The following BICD2 variants were observed in gnomAD, a reference collection of about 807,000 sequenced individuals.
The protein encoded by BICD2 is protein bicaudal D homolog 2.
BICD2 carries 25 observed loss-of-function variants against 72.9 expected under a neutral mutation model. The observed-to-expected ratio is 0.34, with a 90% CI of 0.25 to 0.48. The LOEUF (loss-of-function observed/expected upper bound fraction) is 0.48. BICD2 is among the 20% of genes least tolerant of loss of function. The pLI, the probability that BICD2 is intolerant of heterozygous loss-of-function variation, is 0.99. For missense variants in BICD2, 894 were observed against 1,175.2 expected, an observed-to-expected ratio of 0.76 and a Z score of 3.50; for synonymous variants, 501 against 516.1, an observed-to-expected ratio of 0.97 and a Z score of 0.40.
At chr9:92,751,754 C>T (rs1443378967) in intron 1 of BICD2, among the ~76,000 whole-genome samples, 1 of 151,374 alleles carries the variant, frequency 6.6e-6, no homozygotes, top group African/African-American at 2.4e-5. Context: ...AATATACATA[C>T]AGGTGTATTT....
At chr9:92,721,533 A>T (rs1178055700) in intron 3 of BICD2, among the ~76,000 whole-genome samples, 2 of 152,244 alleles carry the variant, frequency 1.3e-5, no homozygotes, top group Non-Finnish European at 2.9e-5. Flanking sequence ...TAATATTTGG[A>T]GAAAAAAATA....
chr9:92,761,765 G>A (rs1367329697), intron 1 of BICD2, among the ~76,000 whole-genome samples: 1 of 152,230 alleles, frequency 6.6e-6, no homozygotes, highest in Non-Finnish European at 1.5e-5. Context: ...CACCATTCCA[G>A]GGAGAGGAAG....
In BICD2 at chr9:92,717,938, A is replaced by G. The variant is rs1234132431; in HGVS notation, c.2117T>C (p.Val706Ala). The change falls in exon 6 of 7, where the codon GTG (valine) becomes GCG (alanine). Residue 706 changes from valine to alanine, a missense_variant. Val to Ala is a moderately conservative substitution (Grantham distance 64). This residue lies in a region of BICD2 where 321 missense variants were observed against 443.9 expected (regional missense o/e 0.72). Transcript: ENST00000356884. ...VLKANKQTAE[V>A]ALANLKSKYE... ...CTTGCTCTTCAGGTTGGCAAGGGCC[A>G]CCTCGGCCGTCTGGGGGACAGATGT... is the stretch of plus-strand genomic sequence containing the variant. The G allele has an allele frequency of 6.2e-7, 1 of 1,613,170 alleles. No homozygotes were observed. Among genetic ancestry groups the G allele is most frequent in the African/African-American group, 1.3e-5 (1 of 74,986 alleles).
intron 1 of BICD2, among the ~76,000 whole-genome samples, chr9:92,752,177 T>A (rs1038079033): frequency 6.6e-6 from 1 of 152,140 alleles, no homozygotes; most frequent in African/African-American, 2.4e-5. Flanking sequence ...GACACCCTAA[T>A]AGCAATGAGC....
Position 92,720,850 on chromosome 9 carries a change from G to A in BICD2, c.607-95C>T. 1 of 1,324,782 alleles carries A rather than the reference G, an allele frequency of 7.5e-7. No homozygotes were observed. Among genetic ancestry groups the A allele is most frequent in the East Asian group, 2.5e-5 (1 of 40,642 alleles). 82.1% of individuals were successfully genotyped at this position (1,324,782 alleles called of 1,614,324 possible). A position where few individuals can be genotyped will look rare whatever the true frequency, so the allele number is the denominator to read the frequency against. On this transcript the variant is annotated intron_variant, in intron 3 of 6. Transcript: ENST00000356884. This position sits in a 1 kb window ranked among gnomAD's most constrained non-coding sequence, Gnocchi z 5.4. ...AAAACACACCAGCACACCAACTCCGGCCACTATGAAGCAAAAGATGAAGCG... is the reference window on the plus strand; with the variant it reads ...AAAACACACCAGCACACCAACTCCGACCACTATGAAGCAAAAGATGAAGCG...
intron 2 of BICD2, among the ~76,000 whole-genome samples, chr9:92,727,393 A>T (rs567872827): frequency 6.6e-6 from 1 of 152,216 alleles, no homozygotes; most frequent in South Asian, 2.1e-4. Flanking sequence ...CCTGTGGGGC[A>T]TCCTCTACAA....
chr9:92,756,462 C>T (rs553590942), intron 1 of BICD2, among the ~76,000 whole-genome samples: 47 of 151,764 alleles, frequency 3.1e-4, no homozygotes, highest in Non-Finnish European at 6.2e-4. Context: ...GGGGTTTCAC[C>T]GTGTTAGCCA....
chr9:92,747,569 G>C (rs1854040619), intron 1 of BICD2, among the ~76,000 whole-genome samples: 1 of 152,160 alleles, frequency 6.6e-6, no homozygotes, highest in Non-Finnish European at 1.5e-5. Flanking sequence ...GCTGTCCCAG[G>C]ACAGCAGAAT....
chr9:92,729,189 T>A lies in BICD2; in HGVS notation c.288A>T (p.Gly96=). Residue 96 remains glycine (G), a synonymous_variant, in exon 2 of 7, where the codon GGA becomes GGT. Coordinates refer to ENST00000356884, the MANE Select transcript of BICD2 (RefSeq NM_001003800.2). ...GGATCAGGCTCTCCTCCCGGCTCTC[T>A]CCGTCAGCAGCCACCTTCTTGTGGT... The part of the protein sequence containing the change: ...HTNHKKVAAD[G]ESREESLIQE... 6.2e-7 allele frequency: 1 copy of A among 1,614,216 alleles called. No homozygotes were observed.
chr9:92,764,810 C>A lies in BICD2; in HGVS notation c.-66G>T. On this transcript the variant is annotated 5_prime_UTR_variant, in exon 1 of 7. Transcript: ENST00000356884. This position sits in a 1 kb window ranked among gnomAD's most constrained non-coding sequence, Gnocchi z 5.5. ...AGGCCGGGCCCTCCTCAGCCGCCGC[C>A]GCTGCCGCCGCCGCCGCCGCCCTGC... 1 of 1,192,852 alleles carries A rather than the reference C, an allele frequency of 8.4e-7. No homozygotes were observed. The highest frequency in any genetic ancestry group is 1.0e-6 in the Non-Finnish European group (1 of 961,868). The allele number at this position is 1,192,852 out of a possible 1,614,324, so 73.9% of individuals were successfully genotyped here. A position where few individuals can be genotyped will look rare whatever the true frequency, so the allele number is the denominator to read the frequency against.
At position 92,718,950 on chromosome 9, in the gene BICD2, G is replaced by C; in HGVS notation, c.1695C>G (p.Gly565=). The change falls in exon 5 of 7, where the codon GGC becomes GGG. Residue 565 remains glycine, a synonymous_variant. Coordinates refer to ENST00000356884, the MANE Select transcript of BICD2 (RefSeq NM_001003800.2). ...TGGTGCGGCCCCCGGGACTGGTGCG[G>C]CCGGCCCCGCCCTGGCCCTCGCGGT... ...DYYREGQGGA[G]RTSPGGRTSP... 1 of 1,609,330 alleles carries C rather than the reference G, an allele frequency of 6.2e-7. No homozygotes were observed. Among genetic ancestry groups the C allele is most frequent in the East Asian group, 2.2e-5 (1 of 44,858 alleles).
chr9:92,725,995 C>T (rs1853560202), intron 2 of BICD2, among the ~76,000 whole-genome samples: 1 of 152,232 alleles, frequency 6.6e-6, no homozygotes, highest in African/African-American at 2.4e-5. Context: ...GGCCAGTCCT[C>T]AGAAGCTTAC....
At chr9:92,721,721 A>G (rs1853468162) in intron 3 of BICD2, among the ~76,000 whole-genome samples, 1 of 152,178 alleles carries the variant, frequency 6.6e-6, no homozygotes, top group Admixed American at 6.5e-5. Flanking sequence ...AGACTCCACT[A>G]AGCGCCAACC....
At position 92,714,876 on chromosome 9, in the gene BICD2, A is replaced by G. The variant is rs1853269743; in HGVS notation, c.*278T>C. The G allele has an allele frequency of 8.1e-7, 1 of 1,232,534 alleles. No homozygotes were observed. Among genetic ancestry groups the G allele is most frequent in the African/African-American group, 1.6e-5 (1 of 64,488 alleles). The allele number at this position is 1,232,534 out of a possible 1,614,324, so 76.3% of individuals were successfully genotyped here. On this transcript the variant is annotated 3_prime_UTR_variant, in exon 7 of 7. Transcript: ENST00000356884. ...AGGGCTTAGAAGATGCTTTCATCACACATCTGCTGCAAGAATGTGCAGCTC... is the reference window on the plus strand; with the variant it reads ...AGGGCTTAGAAGATGCTTTCATCACGCATCTGCTGCAAGAATGTGCAGCTC...
intron 2 of BICD2, among the ~76,000 whole-genome samples, chr9:92,723,211 A>G (rs1853499519): frequency 6.6e-6 from 1 of 152,256 alleles, no homozygotes; most frequent in South Asian, 2.1e-4. Flanking sequence ...TTAAACACAG[A>G]GGGTCTACCC....
intron 1 of BICD2, among the ~76,000 whole-genome samples, chr9:92,757,773 C>T (rs764873467): frequency 2.6e-5 from 4 of 152,082 alleles, no homozygotes; most frequent in Non-Finnish European, 4.4e-5. Context: ...CACAGCTACA[C>T]AGGATGAACT....
chr9:92,719,217 A>C lies in BICD2; in HGVS notation c.1428T>G (p.Ala476=), dbSNP rs1587669044. The change falls in exon 5 of 7, where the codon GCT becomes GCG. Residue 476 remains alanine (A), a synonymous_variant. Transcript: ENST00000356884. ...QHAEEKGRYE[A]EGQALTEKVS... ...CCTTCTCCGTGAGTGCCTGGCCCTC[A>C]GCCTCATAGCGGCCCTTCTCCTCGG... The C allele has an allele frequency of 6.2e-7, 1 of 1,611,286 alleles. No individual in the cohort carries two copies. Among genetic ancestry groups the C allele is most frequent in the Admixed American group, 1.7e-5 (1 of 60,026 alleles).
intron 2 of BICD2, among the ~76,000 whole-genome samples, chr9:92,725,051 G>C (rs902677616): frequency 3.3e-5 from 5 of 152,212 alleles, no homozygotes; most frequent in African/African-American, 1.2e-4. Flanking sequence ...CAGGCAGTGG[G>C]AAGTGAGAGC....
chr9:92,740,529 G>A (rs925858218), intron 1 of BICD2, among the ~76,000 whole-genome samples: 1 of 151,824 alleles, frequency 6.6e-6, no homozygotes, highest in Admixed American at 6.6e-5. Flanking sequence ...TACTGTGCTG[G>A]GGCGGGGAGG....
Sources: allele counts gnomAD v4.1 joint callset (sites outside exome capture counted in the v4.1 genomes callset), GRCh38; gene constraint gnomAD v4.1.1; regional missense constraint gnomAD v4.1.1; non-coding constraint Gnocchi (gnomAD v3.1); transcripts MANE v1.5; gene names NCBI Gene and HGNC (gene_info 2026-07-23, HGNC 2026-07-21).